XPO5: variants seen among roughly 807,000 people sequenced by gnomAD.
XPO5 encodes the protein exportin 5.
A neutral mutation model predicts 160.6 loss-of-function variants in XPO5; 46 were observed. The observed-to-expected ratio is 0.29, with a 90% CI of 0.23 to 0.37. XPO5 has a LOEUF of 0.37. Among genes scored for constraint, XPO5 ranks in the 10% least tolerant of loss-of-function variants. The probability of loss-of-function intolerance (pLI) is 1.00; values close to 1 mark genes in which losing one functional copy is unlikely to be tolerated. For synonymous variants in XPO5, 537 were observed against 519.3 expected (o/e 1.03, Z -0.46); for missense variants, 1,090 against 1,463.9 (o/e 0.74, Z 4.17).
chr6:43,557,899 C>A (rs1193397343), intron 12 of XPO5, among the ~76,000 whole-genome samples: 1 of 150,932 alleles, frequency 6.6e-6, no homozygotes, highest in African/African-American at 2.4e-5. Flanking sequence ...AGTTCGAGAC[C>A]AGCCTGACCA....
intron 16 of XPO5, 101 bp from the exon 17 acceptor site, chr6:43,549,679 G>C: frequency 7.3e-7 from 1 of 1,377,820 alleles, no homozygotes; most frequent in Non-Finnish European, 1.0e-6. Flanking sequence ...AATTCACAAT[G>C]ATTTTTCACA....
intron 20 of XPO5, among the ~76,000 whole-genome samples, chr6:43,534,716 G>T (rs1288745090): frequency 6.6e-6 from 1 of 152,192 alleles, no homozygotes; most frequent in Non-Finnish European, 1.5e-5. Flanking sequence ...AGTCATTCTA[G>T]GCTGGGCTCG....
intron 1 of XPO5, among the ~76,000 whole-genome samples, chr6:43,575,028 T>G (rs1027014778): frequency 1.3e-4 from 20 of 152,262 alleles, no homozygotes; most frequent in African/African-American, 4.8e-4. Context: ...GCAAGTAAGC[T>G]TGAATTGTAT....
At position 43,522,442 on chromosome 6, in the gene XPO5, G is replaced by A. The variant is rs1793245577; in HGVS notation, c.*1426C>T. The A allele has an allele frequency of 6.3e-6, 1 of 159,150 alleles. No individual in the cohort carries two copies. The highest frequency in any genetic ancestry group is 1.8e-4 in the East Asian group (1 of 5,476). 9.9% of individuals were successfully genotyped at this position (159,150 alleles called of 1,614,324 possible). On this transcript the variant is annotated 3_prime_UTR_variant, in exon 32 of 32. Coordinates refer to ENST00000265351, the MANE Select transcript of XPO5 (RefSeq NM_020750.3). ...GAAAATTTCTAGCATGAAGTCACAG[G>A]ATGTTAAAAATATTACAATGCAATA...
rs1170746101 is a variant in XPO5 at position 43,523,317 on chromosome 6, G to A, written c.*551C>T. ...CCAGATTCTTGCCCAAAGCAAAGTT[G>A]AGAGAACTGACCAAGTTCTCTTCAG... On this transcript the variant is annotated 3_prime_UTR_variant, in exon 32 of 32. Coordinates refer to ENST00000265351, the MANE Select transcript of XPO5 (RefSeq NM_020750.3). 8.4e-6 allele frequency: 2 copies of A among 238,168 alleles called. No homozygotes were observed. The highest frequency in any genetic ancestry group is 1.0e-4 in the East Asian group (1 of 9,636). The allele number at this position is 238,168 out of a possible 1,614,324, so 14.8% of individuals were successfully genotyped here.
At chr6:43,539,054 G>A in intron 20 of XPO5, 1 of 1,525,396 alleles carries the variant, frequency 6.6e-7, no homozygotes, top group Non-Finnish European at 9.0e-7. Context: ...ATCGATACCA[G>A]CCATCATGAG....
At position 43,553,150 on chromosome 6, in the gene XPO5, A is replaced by C. The variant is rs111993234; in HGVS notation, c.1572+223T>G. 0.026 allele frequency among the ~76,000 whole-genome samples: 3,894 copies of C among 152,090 alleles called. 153 individuals are homozygous for C. Among genetic ancestry groups the C allele is most frequent in the African/African-American group, 0.086 (3,570 of 41,472 alleles). Reference sequence around the variant, plus strand: ...GCAACACAGACTCCATTTTTATTATAAATTAGCCAGGTGTGGTGGCAAGTA... The same window carrying C: ...GCAACACAGACTCCATTTTTATTATCAATTAGCCAGGTGTGGTGGCAAGTA... On this transcript the variant is annotated intron_variant, in intron 14 of 31. Coordinates refer to ENST00000265351, the MANE Select transcript of XPO5 (RefSeq NM_020750.3).
At chr6:43,556,149 A>C (rs1762074921) in intron 12 of XPO5, 185 bp from the exon 13 acceptor site, 5 of 722,548 alleles carry the variant, frequency 6.9e-6, no homozygotes, top group African/African-American at 1.8e-5. Flanking sequence ...TTTTGAAAAT[A>C]AATGATCTCT....
At position 43,525,213 on chromosome 6, in the gene XPO5, T is replaced by C; in HGVS notation, c.3068A>G (p.Asp1023Gly). The C allele has an allele frequency of 6.4e-7, 1 of 1,571,682 alleles. No individual in the cohort carries two copies. The highest frequency in any genetic ancestry group is 8.6e-7 in the Non-Finnish European group (1 of 1,157,464). The change falls in exon 29 of 32, where the codon GAT (aspartate) becomes GGT (glycine). Residue 1023 changes from aspartate (D) to glycine (G), a missense_variant and splice_region_variant. By Grantham distance (94) the Asp-to-Gly change is moderately conservative. Coordinates refer to ENST00000265351, the MANE Select transcript of XPO5 (RefSeq NM_020750.3). The part of the protein sequence containing the change: ...DLGKCLMKHE[D>G]VCTALLITAF... ...TGTAATTAATAGCGCTGTACAAACA[T>C]CCTGAACAGGAAAAGATGAAGAGTT...
At chr6:43,566,100 T>TA (rs1762681542) in intron 7 of XPO5, among the ~76,000 whole-genome samples, 1 of 151,790 alleles carries the variant, frequency 6.6e-6, no homozygotes, top group African/African-American at 2.4e-5. Flanking sequence ...CTACTAAAAA[T>TA]ACAAAAATTA....
chr6:43,539,256 C>T (rs901691218), intron 20 of XPO5: 13 of 1,418,884 alleles, frequency 9.2e-6, no homozygotes, highest in South Asian at 4.7e-5. Flanking sequence ...CCACGGGTGG[C>T]GGTGGCCACC....
chr6:43,526,404 G>A, intron 27 of XPO5: 1 of 481,316 alleles, frequency 2.1e-6, no homozygotes, highest in South Asian at 2.5e-5. Context: ...TGATAGGTTG[G>A]TCATGGACGA....
chr6:43,555,914 G>A lies in XPO5; in HGVS notation c.1363C>T (p.Pro455Ser). The A allele has an allele frequency of 1.2e-6, 2 of 1,613,958 alleles. No individual in the cohort carries two copies. Among genetic ancestry groups the A allele is most frequent in the Non-Finnish European group, 8.5e-7 (1 of 1,179,862 alleles). ...EVMRLACRLD[P>S]KTSFQMAGEW... ...CCAGCCATCTGGAAGCTAGTTTTGG[G>A]ATCCAAACGACATGCCAACCTCATC... The change falls in exon 13 of 32, where the codon CCC (proline) becomes TCC (serine). Residue 455 changes from proline to serine, a missense_variant. Pro to Ser is a moderately conservative substitution (Grantham distance 74). Around this residue, in one of 3 missense-constraint regions of XPO5, gnomAD observed 810 missense variants for 1,139.0 expected, o/e 0.71. Transcript: ENST00000265351.
Position 43,565,237 on chromosome 6 carries a change from T to C in XPO5, c.911+423A>G, listed in dbSNP as rs769665201. On this transcript the variant is annotated intron_variant, in intron 8 of 31. Coordinates refer to ENST00000265351, the MANE Select transcript of XPO5 (RefSeq NM_020750.3). Reference sequence around the variant, plus strand: ...ACATCTGGCCAATGCCTCATTTTCTTATCCAAAAACACTGTCGATTGACAG... The same window carrying C: ...ACATCTGGCCAATGCCTCATTTTCTCATCCAAAAACACTGTCGATTGACAG... Among the ~76,000 whole-genome samples the C allele has an allele frequency of 9.9e-5, 15 of 152,234 alleles. 1 individual carries two copies. In the Middle Eastern group the frequency reaches 0.01, roughly 104 times the overall value.
At chr6:43,559,772 G>GA in intron 11 of XPO5, among the ~76,000 whole-genome samples, 1 of 152,236 alleles carries the variant, frequency 6.6e-6, no homozygotes, top group South Asian at 2.1e-4. Context: ...TCCAGTAAAG[G>GA]AATCTTAGTG....
At chr6:43,529,205 T>G in intron 23 of XPO5, 2 of 1,429,006 alleles carry the variant, frequency 1.4e-6, no homozygotes, top group Non-Finnish European at 1.9e-6. Context: ...AAGGAGGACA[T>G]CCTTGTAACA....
intron 20 of XPO5, 144 bp downstream of exon 20, chr6:43,546,427 T>G: frequency 1.3e-6 from 1 of 771,520 alleles, no homozygotes; most frequent in Non-Finnish European, 1.8e-6. Context: ...TTTTTAAAAC[T>G]GAGACACCCT....
In XPO5 at chr6:43,573,576, C is replaced by T; in HGVS notation, c.131G>A (p.Cys44Tyr). 1 of 1,613,442 alleles carries T rather than the reference C, an allele frequency of 6.2e-7. No homozygotes were observed. The highest frequency in any genetic ancestry group is 8.5e-7 in the Non-Finnish European group (1 of 1,179,584). The part of the protein sequence containing the change: ...LKFCEEFKEK[C>Y]PICVPCGLRL... ...CAAGCCACAGGGGACACAGATAGGA[C>T]ACTTTTCTTTAAACTCCTCACAAAA... The change falls in exon 2 of 32, where the codon TGT (cysteine) becomes TAT (tyrosine). Residue 44 changes from cysteine to tyrosine, a missense_variant. Coordinates refer to ENST00000265351, the MANE Select transcript of XPO5 (RefSeq NM_020750.3).
intron 27 of XPO5, 108 bp from the exon 28 acceptor site, chr6:43,526,029 A>AGTG: frequency 3.1e-6 from 4 of 1,279,342 alleles, no homozygotes; most frequent in Non-Finnish European, 4.4e-6. Context: ...TTCTAGGCTA[A>AGTG]GTGGTGGCTA....
Sources: gnomAD v4.1 joint callset for allele counts (sites outside exome capture counted in the v4.1 genomes callset) on GRCh38, gnomAD v4.1.1 for gene constraint, gnomAD v4.1.1 regional missense constraint, MANE v1.5 for transcripts, NCBI Gene and HGNC (gene_info 2026-07-23, HGNC 2026-07-21) for gene names.